Variants in ZNF517 observed in about 807,000 individuals in gnomAD.
ZNF517 encodes zinc finger protein 517.
Under a neutral mutation model 12.1 loss-of-function variants are expected in ZNF517, and 12 were observed. The ratio of observed to expected loss-of-function variants is 0.99; its 90% CI spans 0.63 to 1.61. The LOEUF (loss-of-function observed/expected upper bound fraction) is 1.61, where lower values mean the gene tolerates loss of function less well. ZNF517 is among the 40% of genes most tolerant of loss of function. The probability of loss-of-function intolerance (pLI) is 0.00; values close to 1 mark genes in which losing one functional copy is unlikely to be tolerated. For missense variants in ZNF517, 781 were observed against 693.2 expected, an observed-to-expected ratio of 1.13 and a Z score of -1.42; for synonymous variants, 388 against 310.2, an observed-to-expected ratio of 1.25 and a Z score of -2.63.
At position 144,803,180 on chromosome 8, in the gene ZNF517, G is replaced by C. The variant is rs897324089; in HGVS notation, c.33+233G>C. Reference sequence around the variant, plus strand: ...TCCTGCGGCCTCCTCTGGCCCCTGAGCTTCTATGGTCAGCCATTGAGGGCA... The same window carrying C: ...TCCTGCGGCCTCCTCTGGCCCCTGACCTTCTATGGTCAGCCATTGAGGGCA... On this transcript the variant is annotated intron_variant, in intron 2 of 4. Coordinates refer to ENST00000359971, the MANE Select transcript of ZNF517 (RefSeq NM_213605.3). 8.7e-6 allele frequency: 5 copies of C among 574,506 alleles called. No individual in the cohort carries two copies. The African/African-American group carries it at 9.4e-5, about 11-fold the overall frequency. The allele number at this position is 574,506 out of a possible 1,614,324, so 35.6% of individuals were successfully genotyped here. A position where few individuals can be genotyped will look rare whatever the true frequency, so the allele number is the denominator to read the frequency against.
intron 2 of ZNF517, chr8:144,803,304 G>T: frequency 2.2e-6 from 1 of 455,484 alleles, no homozygotes; most frequent in East Asian, 3.7e-5. Context: ...GTTAGAAATT[G>T]AGACCCAGAG....
At chr8:144,804,262 C>T (rs774725525) in intron 4 of ZNF517, 24 bp downstream of exon 4, 12 of 1,590,900 alleles carry the variant, frequency 7.5e-6, no homozygotes, top group South Asian at 1.1e-5. Context: ...ACCCACAGGG[C>T]GTGTCCTGTG....
In ZNF517 at chr8:144,807,946, G is replaced by T. The variant is rs753421291; in HGVS notation, c.1030G>T (p.Ala344Ser). Residue 344 changes from alanine (A) to serine (S), a missense_variant, in exon 5 of 5, where the codon GCC becomes TCC. Ala to Ser is a moderately conservative substitution (Grantham distance 99). Transcript: ENST00000359971. ...CCACCGGCTGCACGCGCAGGAGGGT[G>T]CCCAGGACGGCGGCGTGGGGCAGGG... ...KHHRLHAQEG[A>S]QDGGVGQGAL... 6.6e-7 allele frequency: 1 copy of T among 1,506,200 alleles called. No homozygotes were observed. Among genetic ancestry groups the T allele is most frequent in the Non-Finnish European group, 8.8e-7 (1 of 1,130,564 alleles). The allele number at this position is 1,506,200 out of a possible 1,614,324, so 93.3% of individuals were successfully genotyped here.
intron 2 of ZNF517, chr8:144,803,318 G>A (rs997554656): frequency 2.2e-6 from 1 of 463,496 alleles, no homozygotes; most frequent in Admixed American, 3.7e-5. Context: ...CCCAGAGGGT[G>A]GGGATGCTCC....
downstream of ZNF517, chr8:144,810,231 G>T (rs916306425): frequency 4.4e-6 from 3 of 682,232 alleles, no homozygotes; most frequent in Admixed American, 2.1e-5. Context: ...TTGGCCCCAC[G>T]GGGAGCACCC....
chr8:144,803,727 G>A lies in ZNF517; in HGVS notation c.120G>A (p.Arg40=). Residue 40 remains arginine, a synonymous_variant, in exon 3 of 5, where the codon AGG becomes AGA. Coordinates refer to ENST00000359971, the MANE Select transcript of ZNF517 (RefSeq NM_213605.3). ...CCCCCGACCAGCAGGCACTCTACAG[G>A]GACGTGATGCTGGAGAACTATGGGA... ...CLAPDQQALY[R]DVMLENYGNL... 6.2e-7 allele frequency: 1 copy of A among 1,614,160 alleles called. No homozygotes were observed. Among genetic ancestry groups the A allele is most frequent in the Non-Finnish European group, 8.5e-7 (1 of 1,179,984 alleles).
intron 4 of ZNF517, among the ~76,000 whole-genome samples, chr8:144,805,362 G>A (rs1299589169): frequency 2.0e-5 from 3 of 152,192 alleles, no homozygotes; most frequent in Admixed American, 1.3e-4. Context: ...ATGGAGTCTC[G>A]CTCTGTCGCC....
chr8:144,808,036 G>T lies in ZNF517; in HGVS notation c.1120G>T (p.Gly374Trp). The change falls in exon 5 of 5, where the codon GGG (glycine) becomes TGG (tryptophan). Residue 374 changes from glycine to tryptophan, a missense_variant. Coordinates refer to ENST00000359971, the MANE Select transcript of ZNF517 (RefSeq NM_213605.3). ...GDPPHECPVC[G>W]RPFRHNSLLL... ...CCCGCCCCACGAGTGCCCGGTGTGC[G>T]GGAGGCCGTTCCGACACAACTCCCT... 6.3e-7 allele frequency: 1 copy of T among 1,598,900 alleles called. No individual in the cohort carries two copies. Among genetic ancestry groups the T allele is most frequent in the East Asian group, 2.3e-5 (1 of 44,140 alleles).
downstream of ZNF517, among the ~76,000 whole-genome samples, chr8:144,811,916 C>A (rs370201494): frequency 1.6e-3 from 89 of 55,686 alleles, no homozygotes; most frequent in Admixed American, 4.2e-3. Context: ...AGACTGCAGC[C>A]TGGAAGCAAA....
chr8:144,800,455 A>G, intron 1 of ZNF517: 1 of 980,416 alleles, frequency 1.0e-6, no homozygotes, highest in Non-Finnish European at 1.2e-6. Context: ...TCCAAGTCCT[A>G]CCCTAGTCCT....
intron 3 of ZNF517, 77 bp downstream of exon 3, chr8:144,803,844 G>T (rs1283691830): frequency 6.4e-7 from 1 of 1,553,814 alleles, no homozygotes; most frequent in Non-Finnish European, 8.7e-7. Context: ...TTCCATTGCA[G>T]ATTCAAGGTC....
chr8:144,812,308 TA>T (rs1257534319), downstream of ZNF517, among the ~76,000 whole-genome samples: 435 of 105,986 alleles, frequency 4.1e-3, no homozygotes, highest in African/African-American at 0.014. Context: ...ACACGGACAG[TA>T]AAGCTCAGCC....
rs750152356 is a variant in ZNF517, at chr8:144,807,842, G to A, written c.926G>A (p.Arg309His). The A allele has an allele frequency of 2.5e-6, 4 of 1,598,890 alleles. No individual in the cohort carries two copies. The Admixed American group carries it at 6.8e-5, about 27-fold the overall frequency. ...CRRFTLNEHG[R>H]IHSGERPYRC... The stretch of plus-strand genomic sequence containing the variant: ...AGGTTCACCCTCAACGAGCACGGCC[G>A]CATCCACAGCGGGGAGCGGCCCTAC... The change falls in exon 5 of 5, where the codon CGC becomes CAC. Residue 309 changes from arginine to histidine, a missense_variant. By Grantham distance (29) the Arg-to-His change is conservative (BLOSUM62 0). Coordinates refer to ENST00000359971, the MANE Select transcript of ZNF517 (RefSeq NM_213605.3).
At chr8:144,802,686 G>A in intron 1 of ZNF517, 184 bp from the exon 2 acceptor site, 1 of 901,742 alleles carries the variant, frequency 1.1e-6, no homozygotes, top group Non-Finnish European at 1.3e-6. Context: ...GAAAACATTG[G>A]AAGGAGTGGG....
At position 144,798,924 on chromosome 8, in the gene ZNF517, C is replaced by G. The variant is rs1826789044; in HGVS notation, c.-59C>G. 1.3e-5 allele frequency: 2 copies of G among 152,110 alleles called. No homozygotes were observed. Among genetic ancestry groups the G allele is most frequent in the South Asian group, 4.1e-4 (2 of 4,834 alleles). 9.4% of individuals were successfully genotyped at this position (152,110 alleles called of 1,614,324 possible). ...CGCCGTGCGCTCCTCCCCGCGCTGT[C>G]TCGGCGGCCCAGGGTGAGTCGGCCG... is the stretch of plus-strand genomic sequence containing the variant. On this transcript the variant is annotated 5_prime_UTR_variant, in exon 1 of 5. Transcript: ENST00000359971.
Position 144,807,441 on chromosome 8 carries a change from C to T in ZNF517, c.525C>T (p.Ala175=), listed in dbSNP as rs1827291548. ...TGGGCCGGCCTGTGGGGAGCTCAGC[C>T]CCCCGCTACAGGTGCGTGTGCGGCA... is the stretch of plus-strand genomic sequence containing the variant. ...EDLGRPVGSS[A]PRYRCVCGKA... The change falls in exon 5 of 5, where the codon GCC becomes GCT. Residue 175 remains alanine, a synonymous_variant. Coordinates refer to ENST00000359971, the MANE Select transcript of ZNF517 (RefSeq NM_213605.3). The T allele has an allele frequency of 6.4e-7, 1 of 1,573,410 alleles. No individual in the cohort carries two copies. Among genetic ancestry groups the T allele is most frequent in the Non-Finnish European group, 8.6e-7 (1 of 1,160,070 alleles).
chr8:144,799,394 G>A (rs1037977300), intron 1 of ZNF517, among the ~76,000 whole-genome samples: 31 of 152,236 alleles, frequency 2.0e-4, no homozygotes, highest in Non-Finnish European at 4.1e-4. Flanking sequence ...TGGACCAACA[G>A]TCATTTCGTA....
intron 1 of ZNF517, 60 bp downstream of exon 1, chr8:144,798,997 C>T (rs1401463152): frequency 6.6e-6 from 1 of 152,172 alleles, no homozygotes; most frequent in Admixed American, 6.5e-5. Context: ...CGAGCCCGGC[C>T]TGGTGGAGGC....
In ZNF517 at chr8:144,809,936, C is replaced by A; in HGVS notation, c.*1541C>A. ...GGTGTGGTGCTGGGTGCCTGTAATC[C>A]CAGCTACTCGGGAGGCTGAAGCAGG... On this transcript the variant is annotated 3_prime_UTR_variant, in exon 5 of 5. Transcript: ENST00000359971. 1 of 409,158 alleles carries A rather than the reference C, an allele frequency of 2.4e-6. No homozygotes were observed. Among genetic ancestry groups the A allele is most frequent in the Non-Finnish European group, 4.4e-6 (1 of 228,256 alleles). 25.3% of individuals were successfully genotyped at this position (409,158 alleles called of 1,614,324 possible). A position where few individuals can be genotyped will look rare whatever the true frequency, so the allele number is the denominator to read the frequency against.
Sources: allele counts gnomAD v4.1 joint callset (sites outside exome capture counted in the v4.1 genomes callset), GRCh38; gene constraint gnomAD v4.1.1; transcripts MANE v1.5; gene names NCBI Gene and HGNC (gene_info 2026-07-23, HGNC 2026-07-21).